SLC25A26: variants seen among roughly 807,000 people sequenced by gnomAD.
SLC25A26 encodes mitochondrial S-adenosylmethionine carrier protein.
SLC25A26 carries 36 observed loss-of-function variants against 37.8 expected under a neutral mutation model. The ratio of observed to expected loss-of-function variants is 0.95; its 90% CI spans 0.73 to 1.26. SLC25A26 has a LOEUF of 1.26. Among genes scored for constraint, SLC25A26 ranks in the 50% most tolerant of loss-of-function variants. SLC25A26 has a pLI of 0.00. For synonymous variants in SLC25A26, 129 were observed against 122.5 expected (o/e 1.05, Z -0.35); for missense variants, 390 against 331.1 (o/e 1.18, Z -1.38).
At chr3:66,228,371 G>C (rs149620113) in intron 1 of SLC25A26, among the ~76,000 whole-genome samples, 134,147 of 152,274 alleles carry the variant, frequency 0.88, 59,214 homozygotes, top group Middle Eastern at 0.95. Context: ...TGTTAATGTG[G>C]TTTTGTTACC....
intron 5 of SLC25A26, among the ~76,000 whole-genome samples, chr3:66,314,487 G>A (rs1406862070): frequency 6.6e-6 from 1 of 152,060 alleles, no homozygotes; most frequent in Non-Finnish European, 1.5e-5. Flanking sequence ...CGGTGGATAA[G>A]GTTTTTGATG....
chr3:66,377,087 C>A (rs1431799127), intron 9 of SLC25A26, among the ~76,000 whole-genome samples: 1 of 152,110 alleles, frequency 6.6e-6, no homozygotes, highest in Non-Finnish European at 1.5e-5. Context: ...AATGAATCCC[C>A]AATTTGTATC....
At chr3:66,238,429 C>A (rs1267067684) in intron 2 of SLC25A26, among the ~76,000 whole-genome samples, 1 of 152,062 alleles carries the variant, frequency 6.6e-6, no homozygotes, top group East Asian at 1.9e-4. Flanking sequence ...ACCCCCCAGG[C>A]TGGAGTGCAG....
intron 5 of SLC25A26, among the ~76,000 whole-genome samples, chr3:66,266,445 T>C (rs1052140383): frequency 6.6e-6 from 1 of 152,218 alleles, no homozygotes; most frequent in Non-Finnish European, 1.5e-5. Flanking sequence ...TATACATTTA[T>C]TCTGTATGCA....
chr3:66,184,056 C>A (rs2070767797), intron 1 of SLC25A26, among the ~76,000 whole-genome samples: 1 of 152,048 alleles, frequency 6.6e-6, no homozygotes, highest in South Asian at 2.1e-4. Flanking sequence ...TGTCTCTGAA[C>A]CCCACCCTAA....
intron 1 of SLC25A26, among the ~76,000 whole-genome samples, chr3:66,208,212 T>C (rs1169173279): frequency 1.3e-5 from 2 of 152,190 alleles, no homozygotes; most frequent in African/African-American, 2.4e-5. Context: ...GCAAGCACCA[T>C]AGAGTTTCAT....
At chr3:66,217,774 T>C (rs1338449283), upstream of SLC25A26, among the ~76,000 whole-genome samples, 1 of 152,184 alleles carries the variant, frequency 6.6e-6, no homozygotes, top group Non-Finnish European at 1.5e-5. Flanking sequence ...GGTCTCAAAC[T>C]TCTGACCTCA....
intron 2 of SLC25A26, 143 bp downstream of exon 2, chr3:66,236,843 TTTTA>T (rs782582121): frequency 6.2e-5 from 38 of 610,484 alleles, no homozygotes; most frequent in Non-Finnish European, 9.3e-5. Flanking sequence ...CATTATTATT[TTTTA>T]TTTATTTTAG....
chr3:66,363,751 T>G lies in SLC25A26; in HGVS notation c.568+822T>G, dbSNP rs555429443. On this transcript the variant is annotated intron_variant, in intron 7 of 9. Coordinates refer to ENST00000354883, the MANE Select transcript of SLC25A26 (RefSeq NM_001379210.1). ...TATTGGAAAATAATTATTTTGCAAT[T>G]TGTTTAATGGTCATTTTTGTTGTTG... is the stretch of plus-strand genomic sequence containing the variant. Among the ~76,000 whole-genome samples, 10 of 152,302 alleles carry G rather than the reference T, an allele frequency of 6.6e-5. 1 individual carries two copies. In the East Asian group the frequency reaches 1.7e-3, roughly 26 times the overall value.
At chr3:66,347,972 T>A (rs2076365031) in intron 6 of SLC25A26, among the ~76,000 whole-genome samples, 1 of 152,116 alleles carries the variant, frequency 6.6e-6, no homozygotes, top group Admixed American at 6.5e-5. Context: ...CTGGGGCCTG[T>A]TGTGGGGTGC....
At chr3:66,151,541 C>T (rs528294824) in intron 1 of SLC25A26, among the ~76,000 whole-genome samples, 3 of 152,334 alleles carry the variant, frequency 2.0e-5, no homozygotes, top group Non-Finnish European at 2.9e-5. Context: ...CCTTAGCCAC[C>T]CCTTTAAGCT....
At chr3:66,223,364 G>C (rs1034257692) in intron 1 of SLC25A26, among the ~76,000 whole-genome samples, 1 of 152,206 alleles carries the variant, frequency 6.6e-6, no homozygotes, top group African/African-American at 2.4e-5. Flanking sequence ...GGTAAGGATA[G>C]CATGGCAGGG....
At chr3:66,180,034 C>G (rs968261253) in intron 1 of SLC25A26, among the ~76,000 whole-genome samples, 5 of 152,220 alleles carry the variant, frequency 3.3e-5, no homozygotes, top group South Asian at 4.1e-4. Flanking sequence ...ATTGCAAAAC[C>G]CTTTACTGGC....
At chr3:66,195,613 C>G (rs1236038557) in intron 1 of SLC25A26, among the ~76,000 whole-genome samples, 1 of 152,088 alleles carries the variant, frequency 6.6e-6, no homozygotes, top group Non-Finnish European at 1.5e-5. Flanking sequence ...GTGGTGCTGC[C>G]GAGCGAGGAG....
At chr3:66,252,511 C>G (rs1393022031) in intron 3 of SLC25A26, among the ~76,000 whole-genome samples, 5 of 152,180 alleles carry the variant, frequency 3.3e-5, no homozygotes, top group African/African-American at 1.2e-4. Flanking sequence ...AGGCCATTTA[C>G]TTGCCTTCAC....
intron 6 of SLC25A26, among the ~76,000 whole-genome samples, chr3:66,350,692 C>CTG (rs147526506): frequency 5.7e-3 from 772 of 134,996 alleles, no homozygotes; most frequent in Middle Eastern, 0.012. Flanking sequence ...GCCCTATACT[C>CTG]TGTGTGTGTG....
At chr3:66,295,015 C>G (rs2074849987) in intron 5 of SLC25A26, among the ~76,000 whole-genome samples, 1 of 152,090 alleles carries the variant, frequency 6.6e-6, no homozygotes, top group Non-Finnish European at 1.5e-5. Flanking sequence ...TAAAGTTAGA[C>G]GTATGCTGAA....
Position 66,230,019 on chromosome 3 carries a change from T to G in SLC25A26, c.34-6525T>G, listed in dbSNP as rs1273118713. On this transcript the variant is annotated intron_variant, in intron 1 of 9. Coordinates refer to ENST00000354883, the MANE Select transcript of SLC25A26 (RefSeq NM_001379210.1). ...CAGATAGCTGACCCTGACTTTTGATTGTCACACATGCTGTGGCAGACCAGA... is the reference window on the plus strand; with the variant it reads ...CAGATAGCTGACCCTGACTTTTGATGGTCACACATGCTGTGGCAGACCAGA... Among the ~76,000 whole-genome samples the G allele has an allele frequency of 3.3e-5, 5 of 152,340 alleles. No homozygotes were observed. The East Asian group carries it at 9.7e-4, about 29-fold the overall frequency.
intron 5 of SLC25A26, among the ~76,000 whole-genome samples, chr3:66,287,426 C>T (rs141486587): frequency 5.3e-5 from 8 of 151,778 alleles, no homozygotes; most frequent in South Asian, 4.1e-4. Flanking sequence ...TTCAATAATT[C>T]GGTATCTTTC....
Sources: gnomAD v4.1 joint callset for allele counts (sites outside exome capture counted in the v4.1 genomes callset) on GRCh38, gnomAD v4.1.1 for gene constraint, MANE v1.5 for transcripts, NCBI Gene and HGNC (gene_info 2026-07-23, HGNC 2026-07-21) for gene names.